Variants in KAZN observed in about 807,000 individuals in gnomAD.
KAZN encodes the protein kazrin, periplakin interacting protein.
KAZN carries 40 observed loss-of-function variants against 87.4 expected under a neutral mutation model. The ratio of observed to expected loss-of-function variants is 0.46; its 90% CI spans 0.36 to 0.60. The LOEUF (loss-of-function observed/expected upper bound fraction) is 0.60, where lower values mean the gene tolerates loss of function less well. KAZN is among the 20% of genes least tolerant of loss of function. The pLI is 0.00. For synonymous variants in KAZN, 466 were observed against 458.3 expected (o/e 1.02, Z -0.22); for missense variants, 898 against 1,073.9 (o/e 0.84, Z 2.29).
rs765541606 is a variant in KAZN, at chr1:14,524,146, C to G, written c.250-74837C>G. 3.9e-5 allele frequency among the ~76,000 whole-genome samples: 6 copies of G among 152,094 alleles called. No homozygotes were observed. In the East Asian group the frequency reaches 9.7e-4, roughly 25 times the overall value. On this transcript the variant is annotated intron_variant, in intron 2 of 16. Transcript: ENST00000636203. Reference sequence around the variant, plus strand: ...AAGCGATTCTCCTGCTTCAGCCTCCCGAGTAGCTGGGATTACAGGCATGCA... The same window carrying G: ...AAGCGATTCTCCTGCTTCAGCCTCCGGAGTAGCTGGGATTACAGGCATGCA...
At chr1:14,475,730 T>C (rs1391583189) in intron 2 of KAZN, among the ~76,000 whole-genome samples, 1 of 152,236 alleles carries the variant, frequency 6.6e-6, no homozygotes, top group Non-Finnish European at 1.5e-5. Flanking sequence ...TGTGAATAAT[T>C]AAACTTTTTA....
intron 1 of KAZN, among the ~76,000 whole-genome samples, chr1:14,812,409 G>A (rs1443783896): frequency 2.0e-5 from 3 of 152,228 alleles, no homozygotes; most frequent in Non-Finnish European, 4.4e-5. Flanking sequence ...GTCTTCAGTG[G>A]AGGGGTGGTG....
chr1:14,840,196 G>A (rs575825898), intron 1 of KAZN, among the ~76,000 whole-genome samples: 7 of 152,158 alleles, frequency 4.6e-5, no homozygotes, highest in African/African-American at 7.2e-5. Context: ...ATTCAAGTAC[G>A]CTCCTCTGCA....
intron 2 of KAZN, among the ~76,000 whole-genome samples, chr1:15,015,678 G>A (rs1481779018): frequency 6.6e-6 from 1 of 152,138 alleles, no homozygotes; most frequent in Non-Finnish European, 1.5e-5. Context: ...GAGTCAGGCT[G>A]GTCACCCCTT....
At chr1:13,985,231 G>C (rs572980544) in intron 1 of KAZN, among the ~76,000 whole-genome samples, 8 of 151,354 alleles carry the variant, frequency 5.3e-5, no homozygotes, top group Middle Eastern at 3.4e-3. Flanking sequence ...TATACTTTAA[G>C]TTTTAGGGTA....
Position 15,091,327 on chromosome 1 carries a change from C to A in KAZN, c.1223-2853C>A, listed in dbSNP as rs148002239. 2.2e-3 allele frequency among the ~76,000 whole-genome samples: 331 copies of A among 152,166 alleles called. 1 individual carries two copies. Among genetic ancestry groups the A allele is most frequent in the African/African-American group, 7.7e-3 (318 of 41,504 alleles). ...AAACCACAGTCAGGGTTACACTGTG[C>A]CTGCTGTGTTTTGTTGTTTTTTGTT... On this transcript the variant is annotated intron_variant, in intron 8 of 14. Coordinates refer to ENST00000376030, the MANE Select transcript of KAZN (RefSeq NM_201628.3).
At chr1:14,956,770 CGA>C (rs1454282657) in intron 1 of KAZN, among the ~76,000 whole-genome samples, 6 of 152,032 alleles carry the variant, frequency 3.9e-5, no homozygotes, top group African/African-American at 1.5e-4. Flanking sequence ...GAGTATTGAT[CGA>C]GAGGAGAAAA....
At chr1:14,672,781 G>T (rs1364131052) in intron 1 of KAZN, among the ~76,000 whole-genome samples, 1 of 152,134 alleles carries the variant, frequency 6.6e-6, no homozygotes, top group African/African-American at 2.4e-5. Context: ...CTGAGCACAG[G>T]CACCAAAAAG....
At chr1:14,086,146 G>T (rs7525812) in intron 1 of KAZN, among the ~76,000 whole-genome samples, 1 of 152,024 alleles carries the variant, frequency 6.6e-6, no homozygotes, top group African/African-American at 2.4e-5. Flanking sequence ...TATTTTGGAC[G>T]CAAATCTCTT....
chr1:14,288,496 T>C (rs1429450938), intron 2 of KAZN, among the ~76,000 whole-genome samples: 2 of 152,204 alleles, frequency 1.3e-5, no homozygotes, highest in Non-Finnish European at 2.9e-5. Context: ...CTGATGGTAG[T>C]TTGTATTTCT....
chr1:13,916,913 C>T (rs1011107627), intron 1 of KAZN, among the ~76,000 whole-genome samples: 10 of 152,110 alleles, frequency 6.6e-5, no homozygotes, highest in Admixed American at 5.9e-4. Context: ...AGGGCTGCAA[C>T]TCACAAGACT....
At chr1:14,656,988 A>C (rs1273888339) in intron 1 of KAZN, among the ~76,000 whole-genome samples, 1 of 151,964 alleles carries the variant, frequency 6.6e-6, no homozygotes, top group Non-Finnish European at 1.5e-5. Flanking sequence ...GATTCTGGCC[A>C]CTACACAGTC....
intron 1 of KAZN, among the ~76,000 whole-genome samples, chr1:14,162,017 C>G (rs1175356637): frequency 6.6e-6 from 1 of 152,218 alleles, no homozygotes; most frequent in African/African-American, 2.4e-5. Context: ...ACAGAAATTG[C>G]TGGACCATAC....
chr1:14,495,489 A>G (rs1036043692), intron 2 of KAZN, among the ~76,000 whole-genome samples: 2 of 152,188 alleles, frequency 1.3e-5, no homozygotes, highest in Non-Finnish European at 2.9e-5. Flanking sequence ...AAGAGAAGAA[A>G]TTCATGCTCC....
chr1:14,120,916 A>G (rs1234309231), intron 1 of KAZN, among the ~76,000 whole-genome samples: 1 of 152,208 alleles, frequency 6.6e-6, no homozygotes, highest in Non-Finnish European at 1.5e-5. Context: ...ATAGGAGCCA[A>G]AGGGAACAGA....
At chr1:14,842,972 C>G (rs1433871234) in intron 1 of KAZN, among the ~76,000 whole-genome samples, 2 of 152,070 alleles carry the variant, frequency 1.3e-5, no homozygotes, top group African/African-American at 4.8e-5. Context: ...TCGGCTTACC[C>G]AAGAAACATC....
At chr1:14,090,782 T>C (rs970805541) in intron 1 of KAZN, among the ~76,000 whole-genome samples, 1 of 152,142 alleles carries the variant, frequency 6.6e-6, no homozygotes, top group Non-Finnish European at 1.5e-5. Flanking sequence ...GTCTCTGGTA[T>C]TTCCTCCCAT....
intron 1 of KAZN, among the ~76,000 whole-genome samples, chr1:14,644,218 G>T (rs547069910): frequency 2.1e-4 from 32 of 151,304 alleles, no homozygotes; most frequent in African/African-American, 7.5e-4. Context: ...CACCATGTTG[G>T]CCAGGCTGGT....
At chr1:14,723,584 G>A (rs953675781) in intron 1 of KAZN, among the ~76,000 whole-genome samples, 1 of 152,176 alleles carries the variant, frequency 6.6e-6, no homozygotes, top group Non-Finnish European at 1.5e-5. Context: ...TACTGCCTGG[G>A]ACAAAAGGCC....
Sources: allele counts gnomAD v4.1 joint callset (sites outside exome capture counted in the v4.1 genomes callset), GRCh38; gene constraint gnomAD v4.1.1; transcripts MANE v1.5; gene names NCBI Gene and HGNC (gene_info 2026-07-23, HGNC 2026-07-21).